The following ITGB6 variants were observed in gnomAD, a reference collection of about 807,000 sequenced individuals.
The protein encoded by ITGB6 is integrin beta-6.
ITGB6 carries 80 observed loss-of-function variants against 84.5 expected under a neutral mutation model. The observed-to-expected ratio is 0.95, with a 90% CI of 0.79 to 1.14. ITGB6 has a LOEUF of 1.14. Ranked by LOEUF, ITGB6 falls within the 50% of genes most tolerant of loss-of-function variation. The probability of loss-of-function intolerance (pLI) is 0.00; values close to 1 mark genes in which losing one functional copy is unlikely to be tolerated. For synonymous variants in ITGB6, 383 were observed against 354.9 expected, an observed-to-expected ratio of 1.08 and a Z score of -0.89; for missense variants, 1,006 against 968.0, an observed-to-expected ratio of 1.04 and a Z score of -0.52.
chr2:160,155,937 C>T (rs1462161690), intron 7 of ITGB6, among the ~76,000 whole-genome samples: 3 of 152,210 alleles, frequency 2.0e-5, no homozygotes, highest in Non-Finnish European at 4.4e-5. Context: ...ACAATGCTCT[C>T]ATACACTTGT....
At position 160,172,734 on chromosome 2, in the gene ITGB6, C is replaced by T. The variant is rs937344833; in HGVS notation, c.760-4G>A. ...CATTCCGCCAGCCAATTTTTTCCTA[C>T]AGTGAGAAAGAAACATTTGTGTGAT... On this transcript the variant is annotated splice_polypyrimidine_tract_variant and splice_region_variant and intron_variant, in intron 5 of 14. Transcript: ENST00000283249. 35 of 1,590,348 alleles carry T rather than the reference C, an allele frequency of 2.2e-5. No homozygotes were observed. In the Admixed American group the frequency reaches 3.0e-4, roughly 14 times the overall value.
At chr2:160,183,949 G>A (rs563270607) in intron 4 of ITGB6, among the ~76,000 whole-genome samples, 7 of 152,292 alleles carry the variant, frequency 4.6e-5, no homozygotes, top group Middle Eastern at 3.4e-3. Flanking sequence ...AAGACACAAC[G>A]TAGTAGAATC....
At chr2:160,125,494 T>G (rs1323796820) in intron 11 of ITGB6, among the ~76,000 whole-genome samples, 4 of 152,378 alleles carry the variant, frequency 2.6e-5, no homozygotes, top group Admixed American at 1.3e-4. Context: ...CATGTCCTCA[T>G]GCTTCTCCTG....
chr2:160,103,282 C>T (rs1455291678), intron 14 of ITGB6, among the ~76,000 whole-genome samples: 1 of 152,208 alleles, frequency 6.6e-6, no homozygotes, highest in Admixed American at 6.5e-5. Context: ...TTCCCACTCA[C>T]TGGCCTCAGT....
chr2:160,179,968 CT>C (rs1453007948), intron 4 of ITGB6, among the ~76,000 whole-genome samples: 7 of 145,778 alleles, frequency 4.8e-5, no homozygotes, highest in South Asian at 2.2e-4. Flanking sequence ...AAAAAATCAT[CT>C]GGGCATGGTG....
chr2:160,112,438 C>T (rs927392091), intron 12 of ITGB6, among the ~76,000 whole-genome samples: 1 of 151,808 alleles, frequency 6.6e-6, no homozygotes, highest in African/African-American at 2.4e-5. Context: ...GCCTATCAAA[C>T]GGATACGGGC....
At chr2:160,188,886 G>A (rs975151561) in intron 4 of ITGB6, among the ~76,000 whole-genome samples, 1 of 152,082 alleles carries the variant, frequency 6.6e-6, no homozygotes, top group Non-Finnish European at 1.5e-5. Context: ...TTGCAGGCGT[G>A]AGCCATCACA....
chr2:160,149,211 C>T (rs763228400), intron 7 of ITGB6, among the ~76,000 whole-genome samples: 5 of 152,200 alleles, frequency 3.3e-5, no homozygotes, highest in Non-Finnish European at 5.9e-5. Context: ...CGACAGACAC[C>T]TCATATAGGT....
intron 12 of ITGB6, among the ~76,000 whole-genome samples, chr2:160,116,879 A>G (rs1180090675): frequency 1.3e-5 from 2 of 150,864 alleles, no homozygotes; most frequent in African/African-American, 2.4e-5. Flanking sequence ...CTCTGATAAA[A>G]CAGACTTTAA....
Position 160,100,098 on chromosome 2 carries a change from A to T in ITGB6, c.*1638T>A, listed in dbSNP as rs1696655906. On this transcript the variant is annotated 3_prime_UTR_variant, in exon 15 of 15. Coordinates refer to ENST00000283249, the MANE Select transcript of ITGB6 (RefSeq NM_000888.5). The stretch of plus-strand genomic sequence containing the variant: ...CAGTAATTCTTTCACCTAGCCCTGT[A>T]CTCTGTAAAGGTCTGATTTACCTGA... 6.6e-6 allele frequency: 1 copy of T among 152,064 alleles called. No homozygotes were observed. Among genetic ancestry groups the T allele is most frequent in the South Asian group, 2.1e-4 (1 of 4,816 alleles). 9.4% of individuals were successfully genotyped at this position (152,064 alleles called of 1,614,324 possible). A position where few individuals can be genotyped will look rare whatever the true frequency, so the allele number is the denominator to read the frequency against.
chr2:160,172,724 T>A lies in ITGB6; in HGVS notation c.766A>T (p.Ile256Phe), dbSNP rs1370745345. The change falls in exon 6 of 15, where the codon ATT (isoleucine) becomes TTT (phenylalanine). Residue 256 changes from isoleucine (I) to phenylalanine (F), a missense_variant. Coordinates refer to ENST00000283249, the MANE Select transcript of ITGB6 (RefSeq NM_000888.5). ...IMQAAVCKEK[I>F]GWRNDSLHLL... The stretch of plus-strand genomic sequence containing the variant: ...TGGAGGGAGTCATTCCGCCAGCCAA[T>A]TTTTTCCTACAGTGAGAAAGAAACA... 3.8e-6 allele frequency: 6 copies of A among 1,592,642 alleles called. No individual in the cohort carries two copies. Among genetic ancestry groups the A allele is most frequent in the Non-Finnish European group, 5.2e-6 (6 of 1,162,010 alleles).
chr2:160,175,697 T>C (rs1415598634), intron 4 of ITGB6, among the ~76,000 whole-genome samples: 12 of 152,236 alleles, frequency 7.9e-5, no homozygotes, highest in Admixed American at 7.2e-4. Flanking sequence ...AGGCATGAGT[T>C]ATAGTGCCTT....
At chr2:160,172,806 G>T in intron 5 of ITGB6, 76 bp from the exon 6 acceptor site, 2 of 1,159,634 alleles carry the variant, frequency 1.7e-6, no homozygotes, top group African/African-American at 1.5e-5. Flanking sequence ...ATTATGCTTG[G>T]ACACATTTAG....
chr2:160,193,296 C>G (rs185859551), intron 4 of ITGB6, among the ~76,000 whole-genome samples: 1 of 152,128 alleles, frequency 6.6e-6, no homozygotes, highest in East Asian at 1.9e-4. Context: ...TTAATTAAAA[C>G]AAAAAGCAGC....
chr2:160,193,177 C>T (rs554140584), intron 4 of ITGB6, among the ~76,000 whole-genome samples: 12 of 152,138 alleles, frequency 7.9e-5, no homozygotes, highest in South Asian at 4.1e-4. Flanking sequence ...AAGACTTCTA[C>T]GCAAGTGCTC....
chr2:160,173,936 T>C, intron 5 of ITGB6, 38 bp downstream of exon 5: 2 of 1,548,962 alleles, frequency 1.3e-6, no homozygotes, highest in Admixed American at 2.2e-5. Context: ...AGATGAATTT[T>C]ATGTTAACAG....
rs1165995028 is a variant in ITGB6 at position 160,138,055 on chromosome 2, AG to A, written c.1242+9del. ...TATTTATTCAGACTATCTACTGGCC[AG>A]CTACTTACTGTGTCTCCCACTTTCA... is the stretch of plus-strand genomic sequence containing the variant. On this transcript the variant is annotated intron_variant, in intron 9 of 14. Transcript: ENST00000283249. The A allele has an allele frequency of 2.5e-6, 4 of 1,608,908 alleles. No individual in the cohort carries two copies. The highest frequency in any genetic ancestry group is 3.4e-6 in the Non-Finnish European group (4 of 1,178,128).
At chr2:160,166,024 T>G (rs1296211114) in intron 7 of ITGB6, among the ~76,000 whole-genome samples, 1 of 152,358 alleles carries the variant, frequency 6.6e-6, no homozygotes, top group Admixed American at 6.5e-5. Context: ...AAATATCTAC[T>G]GAGAATCTAC....
intron 12 of ITGB6, among the ~76,000 whole-genome samples, chr2:160,114,468 G>A (rs1001464846): frequency 1.3e-5 from 2 of 152,198 alleles, no homozygotes; most frequent in South Asian, 2.1e-4. Flanking sequence ...ACAGGGGTGA[G>A]GATGTGGGCC....
Sources: gnomAD v4.1 joint callset for allele counts (sites outside exome capture counted in the v4.1 genomes callset) on GRCh38, gnomAD v4.1.1 for gene constraint, MANE v1.5 for transcripts, NCBI Gene and HGNC (gene_info 2026-07-23, HGNC 2026-07-21) for gene names.